LIMCH1: variants seen among roughly 807,000 people sequenced by gnomAD.
The protein encoded by LIMCH1 is LIM and calponin homology domains-containing protein 1.
LIMCH1 carries 113 observed loss-of-function variants against 176.5 expected under a neutral mutation model. The observed-to-expected ratio is 0.64, with a 90% CI of 0.55 to 0.75. The LOEUF is 0.75. LIMCH1 is among the 30% of genes least tolerant of loss of function. The pLI is 0.00. For missense variants in LIMCH1, 1,674 were observed against 1,814.9 expected, an observed-to-expected ratio of 0.92 and a Z score of 1.41; for synonymous variants, 619 against 645.9, an observed-to-expected ratio of 0.96 and a Z score of 0.63.
intron 2 of LIMCH1, among the ~76,000 whole-genome samples, chr4:41,499,587 A>G (rs1329955407): frequency 6.6e-6 from 1 of 152,178 alleles, no homozygotes; most frequent in Non-Finnish European, 1.5e-5. Flanking sequence ...TGGAAGGGCA[A>G]GGTGGGGGGA....
chr4:41,373,330 G>A, intron 1 of LIMCH1, among the ~76,000 whole-genome samples: 1 of 152,236 alleles, frequency 6.6e-6, no homozygotes, highest in East Asian at 1.9e-4. Context: ...TAAGGCAGGA[G>A]CTTTGGGAGT....
At chr4:41,639,098 C>T (rs1167274055) in intron 14 of LIMCH1, 131 bp downstream of exon 14, 1 of 686,670 alleles carries the variant, frequency 1.5e-6, no homozygotes, top group Non-Finnish European at 2.4e-6. Context: ...CAGCAAAGCA[C>T]TTGAAGTTGG....
chr4:41,534,063 ATC>A (rs1303487048), upstream of LIMCH1, among the ~76,000 whole-genome samples: 1 of 152,186 alleles, frequency 6.6e-6, no homozygotes, highest in Non-Finnish European at 1.5e-5. Context: ...AAACAAGGGA[ATC>A]TCGTGTTCCA....
intron 1 of LIMCH1, among the ~76,000 whole-genome samples, chr4:41,553,560 T>A (rs553259082): frequency 3.9e-4 from 60 of 152,170 alleles, no homozygotes; most frequent in African/African-American, 1.4e-3. Flanking sequence ...CAGGGAGATA[T>A]GGACTAAGTC....
chr4:41,536,722 A>G (rs925589506), upstream of LIMCH1, among the ~76,000 whole-genome samples: 4 of 152,212 alleles, frequency 2.6e-5, no homozygotes, highest in African/African-American at 9.6e-5. Flanking sequence ...GTATTCTTCA[A>G]AACTGTCAAG....
rs74894669 is a variant in LIMCH1 at position 41,374,574 on chromosome 4, T to G, written c.96+13638T>G. Among the ~76,000 whole-genome samples the G allele has an allele frequency of 3.4e-3, 519 of 152,322 alleles. 3 individuals carry two copies. Among genetic ancestry groups the G allele is most frequent in the African/African-American group, 0.01 (424 of 41,576 alleles). On this transcript the variant is annotated intron_variant, in intron 1 of 26. Transcript: ENST00000313860. ...ATAATTTTTTTCATTCAATTTTTTT[T>G]TTTGTTTTAGTTAGCATTCTTATGG... is the stretch of plus-strand genomic sequence containing the variant.
intron 18 of LIMCH1, among the ~76,000 whole-genome samples, chr4:41,651,720 G>A (rs944689938): frequency 2.0e-5 from 3 of 152,082 alleles, no homozygotes; most frequent in Non-Finnish European, 4.4e-5. Context: ...ATTAGTTAAA[G>A]AAACAAAAAT....
chr4:41,442,149 A>T (rs1317560242), intron 1 of LIMCH1, among the ~76,000 whole-genome samples: 1 of 152,070 alleles, frequency 6.6e-6, no homozygotes, highest in Non-Finnish European at 1.5e-5. Flanking sequence ...AAAATACAAA[A>T]ATTAGCCAGG....
At chr4:41,630,771 G>C (rs1172211074) in intron 9 of LIMCH1, among the ~76,000 whole-genome samples, 2 of 152,086 alleles carry the variant, frequency 1.3e-5, no homozygotes, top group Non-Finnish European at 2.9e-5. Flanking sequence ...TATATGAAAT[G>C]GTATAGTATT....
intron 22 of LIMCH1, among the ~76,000 whole-genome samples, chr4:41,674,201 C>T (rs543378827): frequency 2.0e-5 from 3 of 152,286 alleles, no homozygotes; most frequent in Non-Finnish European, 2.9e-5. Flanking sequence ...CACACTTCCT[C>T]CTCCTATCTG....
chr4:41,621,803 G>A (rs1205116528), intron 7 of LIMCH1, among the ~76,000 whole-genome samples: 2 of 152,114 alleles, frequency 1.3e-5, no homozygotes, highest in Non-Finnish European at 2.9e-5. Context: ...TGCAGAGCTG[G>A]TCACCACCGA....
At position 41,631,456 on chromosome 4, in the gene LIMCH1, T is replaced by G. The variant is rs1341309185; in HGVS notation, c.1580T>G (p.Phe527Cys). The G allele has an allele frequency of 2.6e-6, 4 of 1,517,298 alleles. No homozygotes were observed. In the South Asian group the frequency reaches 4.9e-5, roughly 19 times the overall value. 94.0% of individuals were successfully genotyped at this position (1,517,298 alleles called of 1,614,324 possible). ...ATSSLKGHQI[F>C]NRQNDCRTMN... ...TCCAGCTTAAAGGGCCACCAAATAT[T>G]TAATCGACAAAATGACTGCAGGTAT... The change falls in exon 10 of 32, where the codon TTT becomes TGT. Residue 527 changes from phenylalanine to cysteine, a missense_variant. This residue lies in a region of LIMCH1 where 655 missense variants were observed against 692.2 expected (regional missense o/e 0.95). Transcript: ENST00000503057.
chr4:41,664,371 C>A (rs1343789252), intron 20 of LIMCH1, among the ~76,000 whole-genome samples: 1 of 152,154 alleles, frequency 6.6e-6, no homozygotes, highest in African/African-American at 2.4e-5. Flanking sequence ...TGATGCACTC[C>A]CTGGCCTTAG....
At chr4:41,543,114 T>G (rs1298610498) in intron 1 of LIMCH1, among the ~76,000 whole-genome samples, 1 of 152,196 alleles carries the variant, frequency 6.6e-6, no homozygotes, top group Non-Finnish European at 1.5e-5. Flanking sequence ...TGGAACTATG[T>G]CTAAGAGATG....
intron 1 of LIMCH1, among the ~76,000 whole-genome samples, chr4:41,478,397 G>A (rs575496983): frequency 2.5e-4 from 38 of 152,238 alleles, no homozygotes; most frequent in Non-Finnish European, 5.0e-4. Flanking sequence ...TAAAGGATAG[G>A]CTGATTGAAC....
chr4:41,588,859 G>A (rs1276982924), intron 1 of LIMCH1, among the ~76,000 whole-genome samples: 1 of 152,180 alleles, frequency 6.6e-6, no homozygotes, highest in African/African-American at 2.4e-5. Flanking sequence ...AACCAACTTA[G>A]CAAAGAAGGA....
At chr4:41,418,906 T>C (rs762641200) in intron 1 of LIMCH1, 13 of 152,188 alleles carry the variant, frequency 8.5e-5, no homozygotes, top group Non-Finnish European at 1.6e-4. Flanking sequence ...ACATATATTT[T>C]GATCTCCATA....
At chr4:41,405,937 C>T (rs11938569) in intron 1 of LIMCH1, among the ~76,000 whole-genome samples, 3,449 of 152,138 alleles carry the variant, frequency 0.023, 117 homozygotes, top group African/African-American at 0.078. Context: ...ATGGCCTGCA[C>T]GAAGGAAGAT....
chr4:41,414,460 C>T (rs781464959), intron 1 of LIMCH1, among the ~76,000 whole-genome samples: 1 of 152,166 alleles, frequency 6.6e-6, no homozygotes, highest in African/African-American at 2.4e-5. Context: ...TGATCCTTAC[C>T]GTAGTGATTA....
Sources: gnomAD v4.1 joint callset for allele counts (sites outside exome capture counted in the v4.1 genomes callset) on GRCh38, gnomAD v4.1.1 for gene constraint, gnomAD v4.1.1 regional missense constraint, MANE v1.5 for transcripts, NCBI Gene and HGNC (gene_info 2026-07-23, HGNC 2026-07-21) for gene names.